The following CASP6 variants were observed in gnomAD, a reference collection of about 807,000 sequenced individuals.
CASP6 encodes the protein caspase-6.
Under a neutral mutation model 31.8 loss-of-function variants are expected in CASP6, and 20 were observed. That is an observed-to-expected ratio of 0.63 (90% confidence interval 0.44 to 0.91). The LOEUF is 0.91. Among genes scored for constraint, CASP6 ranks in the 40% least tolerant of loss-of-function variants. The probability of loss-of-function intolerance (pLI) is 0.00; values close to 1 mark genes in which losing one functional copy is unlikely to be tolerated. For synonymous variants in CASP6, 130 were observed against 127.8 expected (o/e 1.02, Z -0.12); for missense variants, 328 against 361.1 (o/e 0.91, Z 0.74).
At chr4:109,692,346 G>C (rs1207734535) in intron 5 of CASP6, 1 of 152,132 alleles carries the variant, frequency 6.6e-6, no homozygotes, top group Non-Finnish European at 1.5e-5. Flanking sequence ...TAAGTGGTTT[G>C]CATTCATTAA....
At chr4:109,708,619 C>T in the CASP6 span, among the ~76,000 whole-genome samples, 9 of 152,156 alleles carry the variant, frequency 5.9e-5, no homozygotes, top group African/African-American at 2.2e-4. Context: ...AACATTCCCT[C>T]GACAAGAGTG....
In CASP6 at chr4:109,694,688, C is replaced by T. The variant is rs1238158474; in HGVS notation, c.320G>A (p.Ser107Asn). The change falls in exon 5 of 7, where the codon AGC (serine) becomes AAC (asparagine). Residue 107 changes from serine to asparagine, a missense_variant. Physicochemically the swap from Ser to Asn is conservative, Grantham distance 46. Coordinates refer to ENST00000265164, the MANE Select transcript of CASP6 (RefSeq NM_001226.4). Reference protein sequence around the residue: ...LLKIHEVSTVSHADADCFVCV... With the variant: ...LLKIHEVSTVNHADADCFVCV... The stretch of plus-strand genomic sequence containing the variant: ...CACAAAGCAATCGGCATCTGCGTGG[C>T]TAACAGTTGACACTATAAAGGACCC... 1 of 1,593,024 alleles carries T rather than the reference C, an allele frequency of 6.3e-7. No individual in the cohort carries two copies. The highest frequency in any genetic ancestry group is 8.5e-7 in the Non-Finnish European group (1 of 1,170,874).
At chr4:109,685,154 CT>C (rs1330218321), downstream of CASP6, 1 of 635,980 alleles carries the variant, frequency 1.6e-6, no homozygotes, top group African/African-American at 1.8e-5. Flanking sequence ...CATCTGCCTT[CT>C]TTTGCTTTGG....
At chr4:109,690,126 AG>A (rs1729991672) in intron 6 of CASP6, among the ~76,000 whole-genome samples, 1 of 151,366 alleles carries the variant, frequency 6.6e-6, no homozygotes, top group Non-Finnish European at 1.5e-5. Context: ...CAGAGGTTGC[AG>A]TGAGCTGACA....
At chr4:109,670,667 G>GATC in the CASP6 span, among the ~76,000 whole-genome samples, 2 of 151,390 alleles carry the variant, frequency 1.3e-5, no homozygotes, top group Non-Finnish European at 2.9e-5. Context: ...AGTGAGCCAA[G>GATC]ATCATGTCAT....
chr4:109,670,487 G>A, the CASP6 span, among the ~76,000 whole-genome samples: 1 of 152,128 alleles, frequency 6.6e-6, no homozygotes, highest in East Asian at 1.9e-4. Context: ...AGAGGCTGAG[G>A]GAGTGGGGAT....
the CASP6 span, among the ~76,000 whole-genome samples, chr4:109,675,986 C>T: frequency 6.6e-6 from 1 of 152,154 alleles, no homozygotes; most frequent in Admixed American, 6.5e-5. Context: ...TCTGCTATTG[C>T]AGCAGAAAAC....
chr4:109,691,824 A>G (rs1160873538), intron 5 of CASP6, among the ~76,000 whole-genome samples: 2 of 152,338 alleles, frequency 1.3e-5, no homozygotes, highest in African/African-American at 4.8e-5. Context: ...TGGGACACAG[A>G]CATGCACAGA....
chr4:109,704,460 C>T (rs1033652020), upstream of CASP6, among the ~76,000 whole-genome samples: 3 of 152,154 alleles, frequency 2.0e-5, no homozygotes, highest in Admixed American at 6.5e-5. Flanking sequence ...ATAAAAACAG[C>T]CACAACATTC....
downstream of CASP6, chr4:109,685,002 T>C (rs1729805151): frequency 2.5e-6 from 1 of 398,280 alleles, no homozygotes; most frequent in Non-Finnish European, 4.4e-6. Flanking sequence ...TTTTCTTATT[T>C]CTTCCTTCTT....
At chr4:109,706,003 T>A (rs965610228), upstream of CASP6, among the ~76,000 whole-genome samples, 613 of 34,978 alleles carry the variant, frequency 0.018, 4 homozygotes, top group African/African-American at 0.023. Flanking sequence ...AAAAAAAAAA[T>A]ATATATATAT....
the CASP6 span, among the ~76,000 whole-genome samples, chr4:109,677,802 ATTTTTTTTTT>A: frequency 1.5e-4 from 13 of 86,606 alleles, 1 homozygote; most frequent in African/African-American, 4.7e-4. Flanking sequence ...AAGGAAACAA[ATTTTTTTTTT>A]TTTTTTTTTT....
Position 109,688,957 on chromosome 4 carries a change from T to G in CASP6, c.*373A>C, listed in dbSNP as rs5030601. ...ACCATAATGCTTCACCCTAACGATATTTATATAAAAGGAAGAGAAAGACAT... is the reference window on the plus strand; with the variant it reads ...ACCATAATGCTTCACCCTAACGATAGTTATATAAAAGGAAGAGAAAGACAT... On this transcript the variant is annotated 3_prime_UTR_variant, in exon 7 of 7. Transcript: ENST00000265164. The G allele has an allele frequency of 3.6e-4, 64 of 176,694 alleles. No homozygotes were observed. The highest frequency in any genetic ancestry group is 1.4e-3 in the African/African-American group (60 of 42,268). The allele number at this position is 176,694 out of a possible 1,614,324, so 10.9% of individuals were successfully genotyped here.
chr4:109,690,782 T>C, intron 6 of CASP6, 68 bp downstream of exon 6: 5 of 1,502,548 alleles, frequency 3.3e-6, no homozygotes, highest in Non-Finnish European at 4.5e-6. Flanking sequence ...CCCAAACCAA[T>C]CAAAGGTGAA....
intron 3 of CASP6, among the ~76,000 whole-genome samples, chr4:109,697,381 C>T (rs1181805554): frequency 1.3e-5 from 2 of 151,854 alleles, no homozygotes; most frequent in East Asian, 3.9e-4. Flanking sequence ...AAGCAATCCT[C>T]CCCCTTCAGC....
intron 4 of CASP6, 105 bp from the exon 5 acceptor site, chr4:109,694,805 T>G: frequency 9.0e-7 from 1 of 1,111,358 alleles, no homozygotes; most frequent in Non-Finnish European, 1.2e-6. Context: ...ATCCACATGA[T>G]TGGGGAGGAG....
the CASP6 span, among the ~76,000 whole-genome samples, chr4:109,668,720 T>C: frequency 3.3e-5 from 5 of 152,068 alleles, no homozygotes; most frequent in African/African-American, 1.2e-4. Flanking sequence ...CCTGTTTTTG[T>C]CTTCCACATT....
At chr4:109,666,254 A>G in the CASP6 span, among the ~76,000 whole-genome samples, 1 of 152,214 alleles carries the variant, frequency 6.6e-6, no homozygotes, top group South Asian at 2.1e-4. Flanking sequence ...TGGAGTTGCT[A>G]TAAATACACA....
chr4:109,704,023 C>A (rs574928210), upstream of CASP6, among the ~76,000 whole-genome samples: 36 of 152,216 alleles, frequency 2.4e-4, no homozygotes, highest in African/African-American at 8.4e-4. Context: ...CACCATGAAC[C>A]GCGCTCATAA....
Sources: allele counts gnomAD v4.1 joint callset (sites outside exome capture counted in the v4.1 genomes callset), GRCh38; gene constraint gnomAD v4.1.1; transcripts MANE v1.5; gene names NCBI Gene and HGNC (gene_info 2026-07-23, HGNC 2026-07-21).